Variants in NME9 observed in about 807,000 individuals in gnomAD.
NME9 encodes the protein NME/NM23 family member 9.
Under a neutral mutation model 44.4 loss-of-function variants are expected in NME9, and 48 were observed. The ratio of observed to expected loss-of-function variants is 1.08; its 90% CI spans 0.86 to 1.37. The LOEUF (loss-of-function observed/expected upper bound fraction) is 1.37. NME9 is among the 40% of genes most tolerant of loss of function. The pLI, the probability that NME9 is intolerant of heterozygous loss-of-function variation, is 0.00. For missense variants in NME9, 325 were observed against 405.2 expected, an observed-to-expected ratio of 0.80 and a Z score of 1.70; for synonymous variants, 139 against 147.1, an observed-to-expected ratio of 0.94 and a Z score of 0.40.
intron 8 of NME9, among the ~76,000 whole-genome samples, chr3:138,265,519 C>T (rs983934977): frequency 1.3e-5 from 2 of 152,190 alleles, no homozygotes; most frequent in Admixed American, 1.3e-4. Context: ...AGAACTCTTA[C>T]TCTTGGCTTA....
chr3:138,295,733 G>A, intron 8 of NME9: 1 of 1,001,922 alleles, frequency 1.0e-6, no homozygotes, highest in Non-Finnish European at 1.5e-6. Flanking sequence ...GCCCACCTGG[G>A]CTCACCCCAA....
chr3:138,305,090 C>T, intron 8 of NME9, 63 bp from the exon 9 acceptor site: 4 of 1,485,782 alleles, frequency 2.7e-6, no homozygotes, highest in Non-Finnish European at 3.7e-6. Flanking sequence ...AGAGGATCAG[C>T]GAGCCCATCT....
intron 7 of NME9, 142 bp from the exon 8 acceptor site, chr3:138,306,238 A>G (rs952225413): frequency 4.8e-6 from 4 of 832,388 alleles, no homozygotes; most frequent in African/African-American, 3.4e-5. Flanking sequence ...ATCTGTCCCA[A>G]TCAGATTTAA....
At position 138,275,408 on chromosome 3, in the gene NME9, A is replaced by T. The variant is rs1334672628; in HGVS notation, c.746-12822T>A. Among the ~76,000 whole-genome samples, 4 of 152,078 alleles carry T rather than the reference A, an allele frequency of 2.6e-5. No homozygotes were observed. The East Asian group carries it at 5.8e-4, about 22-fold the overall frequency. On this transcript the variant is annotated intron_variant, in intron 8 of 8. Transcript: ENST00000317876. ...CCATCTCTACTAAAAAAATACAAAA[A>T]ATTAGCCAGGCGCGGTGGCGGGTGC...
chr3:138,310,394 A>G (rs2052611363), intron 6 of NME9, among the ~76,000 whole-genome samples: 1 of 151,320 alleles, frequency 6.6e-6, no homozygotes, highest in Non-Finnish European at 1.5e-5. Context: ...GTCATAGTCA[A>G]ACTGCATACT....
At chr3:138,288,852 A>T (rs1253616660) in intron 8 of NME9, among the ~76,000 whole-genome samples, 3 of 151,820 alleles carry the variant, frequency 2.0e-5, no homozygotes, top group African/African-American at 7.3e-5. Flanking sequence ...TAATCATCCT[A>T]GTCTCGAACA....
intron 8 of NME9, chr3:138,264,180 C>T: frequency 6.2e-7 from 1 of 1,613,936 alleles, no homozygotes; most frequent in Non-Finnish European, 8.5e-7. Flanking sequence ...AACCAGTTTC[C>T]AGGATCATGC....
intron 8 of NME9, among the ~76,000 whole-genome samples, chr3:138,270,886 TA>T (rs1363447736): frequency 6.6e-6 from 1 of 152,214 alleles, no homozygotes; most frequent in Admixed American, 6.5e-5. Context: ...AAAACATATT[TA>T]TACTATTTAC....
downstream of NME9, chr3:138,296,416 T>C (rs2051489363): frequency 6.6e-6 from 1 of 152,216 alleles, no homozygotes; most frequent in Admixed American, 6.5e-5. Context: ...AATGAAATGT[T>C]ATTTTAAAAA....
At chr3:138,290,858 G>A (rs1443304859) in intron 8 of NME9, among the ~76,000 whole-genome samples, 1 of 152,214 alleles carries the variant, frequency 6.6e-6, no homozygotes, top group Non-Finnish European at 1.5e-5. Flanking sequence ...GAATTCACGT[G>A]AGTCTGGGCC....
intron 5 of NME9, 128 bp downstream of exon 5, chr3:138,315,399 A>G (rs2052998878): frequency 1.5e-6 from 1 of 646,082 alleles, no homozygotes; most frequent in East Asian, 2.7e-5. Flanking sequence ...GAACAGACCC[A>G]GGTGAAACTT....
intron 5 of NME9, 92 bp from the exon 6 acceptor site, chr3:138,314,499 G>T: frequency 1.3e-6 from 1 of 765,398 alleles, no homozygotes; most frequent in Non-Finnish European, 2.2e-6. Context: ...AAAAAGCAAA[G>T]CTCCAAAACA....
exon 9 of NME9, chr3:138,262,304 GT>G: frequency 2.1e-6 from 1 of 481,892 alleles, no homozygotes; most frequent in Non-Finnish European, 3.7e-6. Flanking sequence ...ATGGAATTAG[GT>G]TTGGTCTAGG....
chr3:138,303,059 G>T (rs570530411), intron 10 of NME9, among the ~76,000 whole-genome samples: 1 of 152,236 alleles, frequency 6.6e-6, no homozygotes, highest in Non-Finnish European at 1.5e-5. Flanking sequence ...TGTTGAGGGA[G>T]ATGAAGTCAC....
chr3:138,308,611 T>C (rs561031451), intron 6 of NME9, among the ~76,000 whole-genome samples: 11 of 152,306 alleles, frequency 7.2e-5, no homozygotes, highest in Admixed American at 7.2e-4. Flanking sequence ...TTTTAAAAAG[T>C]TCAAATAAGA....
In NME9 at chr3:138,276,416, T is replaced by C. The variant is rs544964038; in HGVS notation, c.746-13830A>G. ...CCTTAAATTGGGAACAAGACAAGTA[T>C]GTCCATTTGTACCACTCCTGTTCAA... is the stretch of plus-strand genomic sequence containing the variant. On this transcript the variant is annotated intron_variant, in intron 8 of 8. Coordinates refer to the NME9 transcript ENST00000317876. Among the ~76,000 whole-genome samples, 5 of 152,200 alleles carry C rather than the reference T, an allele frequency of 3.3e-5. No homozygotes were observed. The South Asian group carries it at 8.3e-4, about 25-fold the overall frequency.
At chr3:138,293,106 C>T (rs1245724018) in intron 8 of NME9, among the ~76,000 whole-genome samples, 1 of 152,182 alleles carries the variant, frequency 6.6e-6, no homozygotes, top group Admixed American at 6.5e-5. Flanking sequence ...CACACTGTGT[C>T]TTGGCTGTCA....
chr3:138,267,040 C>T lies in NME9; in HGVS notation c.746-4454G>A, dbSNP rs1225293742. 1.8e-5 allele frequency: 11 copies of T among 614,382 alleles called. No homozygotes were observed. The East Asian group carries it at 2.7e-4, about 15-fold the overall frequency. 38.1% of individuals were successfully genotyped at this position (614,382 alleles called of 1,614,324 possible). A position where few individuals can be genotyped will look rare whatever the true frequency, so the allele number is the denominator to read the frequency against. On this transcript the variant is annotated intron_variant, in intron 8 of 8. Coordinates refer to the NME9 transcript ENST00000317876. The stretch of plus-strand genomic sequence containing the variant: ...GTGGATTCTTCCTATCTCTCCAATA[C>T]GAAGAATCAGGTTGAAAGATAATTG...
At chr3:138,277,393 G>A (rs1440028481) in intron 8 of NME9, among the ~76,000 whole-genome samples, 1 of 152,156 alleles carries the variant, frequency 6.6e-6, no homozygotes, top group Non-Finnish European at 1.5e-5. Flanking sequence ...AAAGAAGAAG[G>A]TAAATTGGTC....
Sources: allele counts gnomAD v4.1 joint callset (sites outside exome capture counted in the v4.1 genomes callset), GRCh38; gene constraint gnomAD v4.1.1; transcripts MANE v1.5; gene names NCBI Gene and HGNC (gene_info 2026-07-23, HGNC 2026-07-21).